ITPR2: variants seen among roughly 807,000 people sequenced by gnomAD.
ITPR2 encodes the protein inositol 1,4,5-trisphosphate-gated calcium channel ITPR2.
A neutral mutation model predicts 317.1 loss-of-function variants in ITPR2; 207 were observed. The observed-to-expected ratio is 0.65, with a 90% confidence interval of 0.58 to 0.73. The LOEUF (loss-of-function observed/expected upper bound fraction) is 0.73, where lower values mean the gene tolerates loss of function less well. Ranked by LOEUF, ITPR2 falls within the 30% of genes least tolerant of loss-of-function variation. The pLI, the probability that ITPR2 is intolerant of heterozygous loss-of-function variation, is 0.00. For synonymous variants in ITPR2, 1,156 were observed against 1,149.1 expected (o/e 1.01, Z -0.12); for missense variants, 2,613 against 3,284.0 (o/e 0.80, Z 4.99).
intron 9 of ITPR2, among the ~76,000 whole-genome samples, chr12:26,699,878 G>C (rs1224453233): frequency 1.3e-5 from 2 of 151,946 alleles, no homozygotes; most frequent in African/African-American, 4.8e-5. Flanking sequence ...AAAAGACATG[G>C]TCATATGGAG....
chr12:26,796,725 C>T (rs1482879752), intron 1 of ITPR2, among the ~76,000 whole-genome samples: 1 of 152,074 alleles, frequency 6.6e-6, no homozygotes, highest in Non-Finnish European at 1.5e-5. Context: ...TTAACAGTAA[C>T]ATGGATAAAG....
chr12:26,407,284 G>A (rs761467173), intron 52 of ITPR2, among the ~76,000 whole-genome samples: 1 of 152,198 alleles, frequency 6.6e-6, no homozygotes, highest in Non-Finnish European at 1.5e-5. Context: ...TGTATTCAGG[G>A]TCATGAATAA....
At chr12:26,575,936 C>A (rs16931015) in intron 34 of ITPR2, among the ~76,000 whole-genome samples, 51,906 of 151,998 alleles carry the variant, frequency 0.34, 9,430 homozygotes, top group African/African-American at 0.42. Flanking sequence ...CTGTGTAGGG[C>A]CAACTGGTAT....
chr12:26,363,863 T>C (rs1298534424), intron 55 of ITPR2, among the ~76,000 whole-genome samples: 3 of 152,192 alleles, frequency 2.0e-5, no homozygotes, highest in African/African-American at 4.8e-5. Flanking sequence ...ATAAAGGAAA[T>C]GAAAAGTGTA....
chr12:26,645,153 C>CTAA (rs2136872216), intron 21 of ITPR2, among the ~76,000 whole-genome samples: 1 of 152,318 alleles, frequency 6.6e-6, no homozygotes. Context: ...CTTCTTCATG[C>CTAA]TAATCCTCTC....
intron 1 of ITPR2, among the ~76,000 whole-genome samples, chr12:26,800,610 G>C (rs968897487): frequency 1.3e-5 from 2 of 152,024 alleles, no homozygotes; most frequent in African/African-American, 4.8e-5. Context: ...AAAAAATATG[G>C]CCAGATAGAT....
intron 45 of ITPR2, among the ~76,000 whole-genome samples, chr12:26,447,846 G>A (rs545794232): frequency 5.1e-4 from 78 of 151,756 alleles, no homozygotes; most frequent in African/African-American, 1.9e-3. Context: ...GTTTTTAAAG[G>A]GTTTAGTCCC....
intron 34 of ITPR2, 113 bp from the exon 35 acceptor site, chr12:26,562,065 C>A: frequency 1.4e-6 from 1 of 712,518 alleles, no homozygotes; most frequent in South Asian, 3.9e-5. Flanking sequence ...TTAAACTCTG[C>A]CATTAACTTG....
chr12:26,665,335 A>ACCAAAAAAC (rs1947601342), intron 14 of ITPR2, among the ~76,000 whole-genome samples: 1 of 152,204 alleles, frequency 6.6e-6, no homozygotes, highest in Non-Finnish European at 1.5e-5. Context: ...AGATAGTCTG[A>ACCAAAAAAC]CTATGCAGGG....
chr12:26,491,675 AT>A (rs1454770133), intron 39 of ITPR2, among the ~76,000 whole-genome samples: 1 of 143,470 alleles, frequency 7.0e-6, no homozygotes, highest in Non-Finnish European at 1.5e-5. Context: ...TATGAGGGAT[AT>A]TAAGGGGGCA....
intron 37 of ITPR2, among the ~76,000 whole-genome samples, chr12:26,497,706 G>C (rs979698198): frequency 7.5e-5 from 10 of 133,710 alleles, no homozygotes; most frequent in African/African-American, 2.7e-4. Flanking sequence ...ATAGTGCCAA[G>C]AATTTTTTTT....
chr12:26,812,733 A>C (rs1243039436), intron 1 of ITPR2, among the ~76,000 whole-genome samples: 1 of 152,232 alleles, frequency 6.6e-6, no homozygotes, highest in Non-Finnish European at 1.5e-5. Flanking sequence ...TACTCCCAAT[A>C]TAAAGATGAA....
intron 45 of ITPR2, among the ~76,000 whole-genome samples, chr12:26,474,173 G>A (rs572136844): frequency 5.3e-5 from 8 of 152,266 alleles, no homozygotes; most frequent in South Asian, 2.1e-4. Flanking sequence ...TAAATCTTCC[G>A]AGAATCTGAC....
In ITPR2 at chr12:26,516,285, G is replaced by GGGAAAGGAAAGGAAAGGAAAGGAAA. The variant is rs1230277194; in HGVS notation, c.5074-21050_5074-21026dup. On this transcript the variant is annotated intron_variant, in intron 37 of 56. Coordinates refer to ENST00000381340, the MANE Select transcript of ITPR2 (RefSeq NM_002223.4). Reference sequence around the variant, plus strand: ...AGGAAAGGAAAGGAAGGGAAGGGAAGGGAAAGGAAAGGAAAGGAAAGGAAA... The same window carrying GGGAAAGGAAAGGAAAGGAAAGGAAA: ...AGGAAAGGAAAGGAAGGGAAGGGAAGGGAAAGGAAAGGAAAGGAAAGGAAAGGAAAGGAAAGGAAAGGAAAGGAAA... Among the ~76,000 whole-genome samples the GGGAAAGGAAAGGAAAGGAAAGGAAA allele has an allele frequency of 2.2e-3, 92 of 42,684 alleles. 2 individuals carry two copies. Among genetic ancestry groups the GGGAAAGGAAAGGAAAGGAAAGGAAA allele is most frequent in the East Asian group, 6.2e-3 (6 of 964 alleles). The allele number at this position is 42,684 out of a possible 152,430, so 28.0% of individuals were successfully genotyped here. A position where few individuals can be genotyped will look rare whatever the true frequency, so the allele number is the denominator to read the frequency against.
intron 24 of ITPR2, among the ~76,000 whole-genome samples, chr12:26,623,614 TTGGAATG>T (rs1946553117): frequency 6.6e-6 from 1 of 152,198 alleles, no homozygotes; most frequent in Admixed American, 6.5e-5. Flanking sequence ...ACTGGGGGTC[TTGGAATG>T]TAACCGTAGC....
intron 37 of ITPR2, among the ~76,000 whole-genome samples, chr12:26,514,151 G>A (rs1053726159): frequency 2.0e-5 from 3 of 152,018 alleles, no homozygotes; most frequent in Admixed American, 1.3e-4. Context: ...ATTCCTTAAC[G>A]TAATCAGCTC....
chr12:26,508,714 G>T (rs1280626682), intron 37 of ITPR2, among the ~76,000 whole-genome samples: 1 of 152,122 alleles, frequency 6.6e-6, no homozygotes, highest in African/African-American at 2.4e-5. Flanking sequence ...TAAAATAAGT[G>T]ATCTGGGGAC....
At chr12:26,562,299 G>A (rs148851422) in intron 34 of ITPR2, among the ~76,000 whole-genome samples, 52 of 152,242 alleles carry the variant, frequency 3.4e-4, no homozygotes, top group Admixed American at 1.1e-3. Context: ...TAAAACACAC[G>A]ATATAATTCT....
Position 26,494,152 on chromosome 12 carries a change from C to T in ITPR2, c.5370+1G>A. 1 of 1,604,150 alleles carries T rather than the reference C, an allele frequency of 6.2e-7. No individual in the cohort carries two copies. The highest frequency in any genetic ancestry group is 8.5e-7 in the Non-Finnish European group (1 of 1,174,090). On this transcript the variant is annotated splice_donor_variant, in intron 39 of 56. Coordinates refer to ENST00000381340, the MANE Select transcript of ITPR2 (RefSeq NM_002223.4). LOFTEE classifies it high-confidence loss of function. ...AATCCCCATGATTGATGAACAAGTACCTGTGTTTGTGTATTTCCTCCTTCA... is the reference window on the plus strand; with the variant it reads ...AATCCCCATGATTGATGAACAAGTATCTGTGTTTGTGTATTTCCTCCTTCA...
Sources: gnomAD v4.1 joint callset for allele counts (sites outside exome capture counted in the v4.1 genomes callset) on GRCh38, gnomAD v4.1.1 for gene constraint, MANE v1.5 for transcripts, NCBI Gene and HGNC (gene_info 2026-07-23, HGNC 2026-07-21) for gene names.